Variants in ARHGEF7 observed in about 807,000 individuals in gnomAD.
The protein encoded by ARHGEF7 is PAK-interacting exchange factor beta.
Under a neutral mutation model 109.8 loss-of-function variants are expected in ARHGEF7, and 33 were observed. The observed-to-expected ratio is 0.30, with a 90% CI of 0.23 to 0.40. The LOEUF is 0.40. ARHGEF7 is among the 10% of genes least tolerant of loss of function. ARHGEF7 has a pLI of 1.00. For missense variants in ARHGEF7, 938 were observed against 1,098.5 expected, an observed-to-expected ratio of 0.85 and a Z score of 2.07; for synonymous variants, 458 against 424.6, an observed-to-expected ratio of 1.08 and a Z score of -0.97.
In ARHGEF7 at chr13:111,183,949, G is replaced by C. The variant is rs544880188; in HGVS notation, c.253-21340G>C. On this transcript the variant is annotated intron_variant, in intron 2 of 21. Transcript: ENST00000646102. ...CTTGCTTATGGCCGGGTGCGGGTGG[G>C]ACTGCATTTTTTAACCCTCTCTGTG... is the stretch of plus-strand genomic sequence containing the variant. Among the ~76,000 whole-genome samples the C allele has an allele frequency of 2.6e-5, 4 of 152,198 alleles. No individual in the cohort carries two copies. The East Asian group carries it at 7.7e-4, about 29-fold the overall frequency.
chr13:111,121,911 TGTGC>T (rs781592691), intron 1 of ARHGEF7, among the ~76,000 whole-genome samples: 3 of 152,354 alleles, frequency 2.0e-5, no homozygotes, highest in Non-Finnish European at 4.4e-5. Context: ...AATGAGTAGA[TGTGC>T]TGGGCACAAA....
At chr13:111,188,571 G>A (rs1055713449) in intron 2 of ARHGEF7, among the ~76,000 whole-genome samples, 2 of 152,180 alleles carry the variant, frequency 1.3e-5, no homozygotes, top group African/African-American at 2.4e-5. Flanking sequence ...CTTCAGGGCC[G>A]ACTTGCATTT....
intron 1 of ARHGEF7, 64 bp downstream of exon 1, chr13:111,115,755 C>A (rs1221644006): frequency 1.0e-5 from 10 of 986,630 alleles, no homozygotes; most frequent in Non-Finnish European, 1.2e-5. Flanking sequence ...CCGGGATGCG[C>A]GCGGAGCACC....
At chr13:111,238,911 G>A (rs1490900941) in intron 6 of ARHGEF7, among the ~76,000 whole-genome samples, 1 of 152,132 alleles carries the variant, frequency 6.6e-6, no homozygotes, top group African/African-American at 2.4e-5. Context: ...CCGAGACTGG[G>A]CAATTTATAA....
At chr13:111,230,675 C>T (rs889399670) in intron 5 of ARHGEF7, among the ~76,000 whole-genome samples, 16 of 152,190 alleles carry the variant, frequency 1.1e-4, no homozygotes, top group Non-Finnish European at 1.5e-4. Flanking sequence ...GTGGAAATTA[C>T]GCTTCCTGAT....
intron 2 of ARHGEF7, among the ~76,000 whole-genome samples, chr13:111,160,958 C>T (rs866510660): frequency 1.6e-4 from 25 of 152,236 alleles, no homozygotes; most frequent in African/African-American, 4.8e-4. Context: ...ACAGTGTGAA[C>T]GTGGACTAAT....
intron 1 of ARHGEF7, among the ~76,000 whole-genome samples, chr13:111,146,599 C>T (rs1360781041): frequency 6.6e-6 from 1 of 152,186 alleles, no homozygotes; most frequent in Non-Finnish European, 1.5e-5. Flanking sequence ...GTTGAGATAA[C>T]ATTGAACCTG....
chr13:111,229,372 A>C (rs9555782), intron 5 of ARHGEF7, among the ~76,000 whole-genome samples: 36,131 of 152,016 alleles, frequency 0.24, 5,375 homozygotes, highest in East Asian at 0.78. Context: ...TCAGTTCATT[A>C]ATTCCCTCCT....
chr13:111,140,940 A>G (rs1267927072), intron 1 of ARHGEF7, among the ~76,000 whole-genome samples: 1 of 152,132 alleles, frequency 6.6e-6, no homozygotes, highest in Non-Finnish European at 1.5e-5. Flanking sequence ...TGGCCTCCCA[A>G]AATGTTGGGA....
At chr13:111,286,079 C>T (rs2093006154) in intron 16 of ARHGEF7, 68 bp from the exon 17 acceptor site, 4 of 1,291,540 alleles carry the variant, frequency 3.1e-6, no homozygotes, top group Non-Finnish European at 2.2e-6. Context: ...TTACAGCAGC[C>T]TTTCTGATAT....
intron 8 of ARHGEF7, 124 bp from the exon 9 acceptor site, chr13:111,267,424 T>G: frequency 7.6e-7 from 1 of 1,311,626 alleles, no homozygotes; most frequent in Non-Finnish European, 1.0e-6. Context: ...GATCGGGGCC[T>G]CTGGTTTTCA....
chr13:111,201,789 C>G (rs2081239573), intron 2 of ARHGEF7, among the ~76,000 whole-genome samples: 1 of 152,160 alleles, frequency 6.6e-6, no homozygotes, highest in Admixed American at 6.5e-5. Flanking sequence ...CAGCCCTCTT[C>G]CTTCTTCCAG....
intron 1 of ARHGEF7, among the ~76,000 whole-genome samples, chr13:111,136,112 A>T (rs970366689): frequency 6.6e-6 from 1 of 152,068 alleles, no homozygotes; most frequent in Admixed American, 6.6e-5. Context: ...TGATTTTCGT[A>T]TGTTGAACCA....
intron 18 of ARHGEF7, among the ~76,000 whole-genome samples, chr13:111,290,022 C>T (rs181682166): frequency 7.9e-5 from 12 of 152,258 alleles, no homozygotes; most frequent in Admixed American, 2.6e-4. Flanking sequence ...CACACAATAA[C>T]GTCTAAGTAC....
chr13:111,208,938 G>T (rs2082189082), intron 3 of ARHGEF7, among the ~76,000 whole-genome samples: 1 of 152,206 alleles, frequency 6.6e-6, no homozygotes, highest in Non-Finnish European at 1.5e-5. Flanking sequence ...TATAGACCTG[G>T]TGTGGCCACA....
At chr13:111,153,875 G>C in intron 1 of ARHGEF7, 30 bp from the exon 2 acceptor site, 2 of 1,580,218 alleles carry the variant, frequency 1.3e-6, no homozygotes, top group Non-Finnish European at 1.7e-6. Context: ...TGCCGGCCAC[G>C]GCGCTCAGCG....
chr13:111,292,960 C>G, intron 19 of ARHGEF7: 3 of 985,802 alleles, frequency 3.0e-6, no homozygotes, highest in Non-Finnish European at 3.6e-6. Context: ...CTGTGCTCTT[C>G]TGTGTGCTGC....
chr13:111,209,625 AT>A (rs377437315), intron 3 of ARHGEF7, among the ~76,000 whole-genome samples: 3 of 152,220 alleles, frequency 2.0e-5, no homozygotes, highest in African/African-American at 7.2e-5. Flanking sequence ...ACTTTTGAAA[AT>A]TATATTAGAG....
chr13:111,159,596 C>G lies in ARHGEF7; in HGVS notation c.252+5605C>G, dbSNP rs188753983. ...AGCCATTCTACAGTTGTGAGATGCT[C>G]TCATGATTTGAATGTGCATTTCTCT... On this transcript the variant is annotated intron_variant, in intron 2 of 21. Transcript: ENST00000646102. Among the ~76,000 whole-genome samples the G allele has an allele frequency of 4.6e-5, 7 of 152,254 alleles. No individual in the cohort carries two copies. In the East Asian group the frequency reaches 1.4e-3, roughly 29 times the overall value.
Sources: gnomAD v4.1 joint callset for allele counts (sites outside exome capture counted in the v4.1 genomes callset) on GRCh38, gnomAD v4.1.1 for gene constraint, MANE v1.5 for transcripts, NCBI Gene and HGNC (gene_info 2026-07-23, HGNC 2026-07-21) for gene names.